The following HMGCLL1 variants were observed in gnomAD, a reference collection of about 807,000 sequenced individuals.
HMGCLL1 encodes 3-hydroxymethyl-3-methylglutaryl-CoA lyase, cytoplasmic.
Under a neutral mutation model 39.1 loss-of-function variants are expected in HMGCLL1, and 36 were observed. That is an observed-to-expected ratio of 0.92 (90% CI 0.71 to 1.22). The LOEUF is 1.22. HMGCLL1 is among the 50% of genes most tolerant of loss of function. The pLI is 0.00. For missense variants in HMGCLL1, 451 were observed against 416.5 expected (o/e 1.08, Z -0.72); for synonymous variants, 149 against 144.0 (o/e 1.03, Z -0.25).
the HMGCLL1 span, among the ~76,000 whole-genome samples, chr6:55,633,894 A>G: frequency 3.3e-5 from 5 of 152,148 alleles, no homozygotes; most frequent in Non-Finnish European, 5.9e-5. Context: ...TTTTTAAGTC[A>G]AATTCCTCAA....
chr6:55,584,334 G>A, the HMGCLL1 span, among the ~76,000 whole-genome samples: 2 of 152,090 alleles, frequency 1.3e-5, no homozygotes, highest in African/African-American at 4.8e-5. Flanking sequence ...AAGAACACTG[G>A]ATTTAACTCA....
intron 1 of HMGCLL1, among the ~76,000 whole-genome samples, chr6:55,575,332 T>G (rs1030376385): frequency 3.3e-5 from 5 of 152,086 alleles, no homozygotes; most frequent in African/African-American, 1.2e-4. Context: ...TCATTCATAT[T>G]TATTCTTTTT....
rs187351646 is a variant in HMGCLL1, at chr6:55,538,427, A to C, written c.297+3302T>G. On this transcript the variant is annotated intron_variant, in intron 3 of 8. Transcript: ENST00000274901. ...AAAGACTGTATTAAAGACAGAAGTA[A>C]ATTTATGAAGATATAAAGACAATAA... is the stretch of plus-strand genomic sequence containing the variant. Among the ~76,000 whole-genome samples the C allele has an allele frequency of 2.0e-5, 3 of 152,300 alleles. No individual in the cohort carries two copies. The East Asian group carries it at 5.8e-4, about 29-fold the overall frequency.
At position 55,495,524 on chromosome 6, in the gene HMGCLL1, T is replaced by A; in HGVS notation, c.690A>T (p.Lys230Asn). The change falls in exon 7 of 9, where the codon AAA becomes AAT. Residue 230 changes from lysine (K) to asparagine (N), a missense_variant. Lys to Asn is a moderately conservative substitution (Grantham distance 94, BLOSUM62 0). Transcript: ENST00000274901. Reference protein sequence around the residue: ...TIGVGTPGSMKRMLESVMKEI... With the variant: ...TIGVGTPGSMNRMLESVMKEI... ...CTTTCATCACACTTTCCAACATTCTTTTCATACTTCCTGGAGTTCCCACTC... is the reference window on the plus strand; with the variant it reads ...CTTTCATCACACTTTCCAACATTCTATTCATACTTCCTGGAGTTCCCACTC... 1 of 1,613,948 alleles carries A rather than the reference T, an allele frequency of 6.2e-7. No individual in the cohort carries two copies. The highest frequency in any genetic ancestry group is 8.5e-7 in the Non-Finnish European group (1 of 1,179,882).
chr6:55,602,998 T>C, the HMGCLL1 span, among the ~76,000 whole-genome samples: 3 of 152,076 alleles, frequency 2.0e-5, no homozygotes, highest in Admixed American at 6.6e-5. Flanking sequence ...CGAGTTCCCA[T>C]GTAATGATGC....
chr6:55,476,257 G>A lies in HMGCLL1; in HGVS notation c.795+19162C>T, dbSNP rs190213280. Among the ~76,000 whole-genome samples, 6 of 151,484 alleles carry A rather than the reference G, an allele frequency of 4.0e-5. No homozygotes were observed. In the East Asian group the frequency reaches 1.2e-3, roughly 30 times the overall value. ...ATAAAACTTCTCTTCATAGTGTTATGTTACTTTCTATATAGTAATATAACA... is the reference window on the plus strand; with the variant it reads ...ATAAAACTTCTCTTCATAGTGTTATATTACTTTCTATATAGTAATATAACA... On this transcript the variant is annotated intron_variant, in intron 7 of 8. Coordinates refer to ENST00000274901, the MANE Select transcript of HMGCLL1 (RefSeq NM_001042406.2).
In HMGCLL1 at chr6:55,435,685, C is replaced by T. The variant is rs1476641796; in HGVS notation, c.1000G>A (p.Ala334Thr). 2 of 1,600,162 alleles carry T rather than the reference C, an allele frequency of 1.2e-6. No individual in the cohort carries two copies. Among genetic ancestry groups the T allele is most frequent in the South Asian group, 2.2e-5 (2 of 89,984 alleles). Residue 334 changes from alanine (A) to threonine (T), a missense_variant, in exon 9 of 9, where the codon GCA becomes ACA. Ala to Thr is a moderately conservative substitution (Grantham distance 58, BLOSUM62 0). Coordinates refer to ENST00000274901, the MANE Select transcript of HMGCLL1 (RefSeq NM_001042406.2). ...AGTCAAGCATTGAAGGAGGCTTGTGCTACTTTAGAGTTTGTGGTTTTATTC... is the reference window on the plus strand; with the variant it reads ...AGTCAAGCATTGAAGGAGGCTTGTGTTACTTTAGAGTTTGTGGTTTTATTC... ...AVNKTTNSKV[A>T]QASFNA
At chr6:55,627,909 C>T in the HMGCLL1 span, among the ~76,000 whole-genome samples, 5 of 2,176 alleles carry the variant, frequency 2.3e-3, 1 homozygote, top group African/African-American at 0.011. Flanking sequence ...AGTATATATA[C>T]TATATATATA....
At chr6:55,611,678 A>C in the HMGCLL1 span, among the ~76,000 whole-genome samples, 23 of 151,994 alleles carry the variant, frequency 1.5e-4, no homozygotes, top group Non-Finnish European at 3.2e-4. Context: ...CAATAAACAT[A>C]ATCTGTCACT....
intron 7 of HMGCLL1, among the ~76,000 whole-genome samples, chr6:55,442,710 C>T (rs1319399368): frequency 6.6e-6 from 1 of 152,136 alleles, no homozygotes; most frequent in Non-Finnish European, 1.5e-5. Context: ...ATTACCACAA[C>T]ATTTCTCACA....
At chr6:55,539,933 G>A (rs1769270798) in intron 3 of HMGCLL1, among the ~76,000 whole-genome samples, 1 of 128,610 alleles carries the variant, frequency 7.8e-6, no homozygotes, top group Non-Finnish European at 1.7e-5. Flanking sequence ...GGAGGATGAG[G>A]AGGAGGAGAA....
chr6:55,519,902 T>C (rs1043296803), intron 3 of HMGCLL1, among the ~76,000 whole-genome samples: 10 of 152,084 alleles, frequency 6.6e-5, no homozygotes, highest in Non-Finnish European at 1.3e-4. Context: ...TAATTCATTC[T>C]GCACATAATT....
At chr6:55,623,433 C>T in the HMGCLL1 span, among the ~76,000 whole-genome samples, 3 of 151,766 alleles carry the variant, frequency 2.0e-5, no homozygotes, top group East Asian at 5.8e-4. Flanking sequence ...AATAGATTTT[C>T]GTGTGGTGTA....
chr6:55,458,579 G>C (rs1053508845), intron 7 of HMGCLL1, among the ~76,000 whole-genome samples: 1 of 152,132 alleles, frequency 6.6e-6, no homozygotes, highest in Admixed American at 6.5e-5. Context: ...AGGAGTATTT[G>C]GTGTGTTTAG....
At chr6:55,644,712 T>G in the HMGCLL1 span, among the ~76,000 whole-genome samples, 1 of 151,848 alleles carries the variant, frequency 6.6e-6, no homozygotes, top group Non-Finnish European at 1.5e-5. Flanking sequence ...CACTGTAGCT[T>G]TGTGGATTGG....
the HMGCLL1 span, among the ~76,000 whole-genome samples, chr6:55,655,744 G>C: frequency 6.6e-4 from 101 of 151,910 alleles, no homozygotes; most frequent in Admixed American, 1.2e-3. Flanking sequence ...TCTTGGCAAA[G>C]TTTTCTACAG....
At chr6:55,550,173 C>A (rs1770249063) in intron 1 of HMGCLL1, among the ~76,000 whole-genome samples, 1 of 151,850 alleles carries the variant, frequency 6.6e-6, no homozygotes, top group Non-Finnish European at 1.5e-5. Context: ...GTTACCATAT[C>A]CTAGTGAAGT....
chr6:55,622,598 A>G, the HMGCLL1 span, among the ~76,000 whole-genome samples: 1 of 152,092 alleles, frequency 6.6e-6, no homozygotes, highest in Admixed American at 6.6e-5. Flanking sequence ...TTTGCATCCC[A>G]GGAATGAATC....
At chr6:55,445,100 T>C (rs1443748530) in intron 7 of HMGCLL1, among the ~76,000 whole-genome samples, 1 of 152,080 alleles carries the variant, frequency 6.6e-6, no homozygotes, top group Non-Finnish European at 1.5e-5. Context: ...TAAAGGAGAA[T>C]ATTAAGGCAT....
Sources: allele counts gnomAD v4.1 joint callset (sites outside exome capture counted in the v4.1 genomes callset), GRCh38; gene constraint gnomAD v4.1.1; transcripts MANE v1.5; gene names NCBI Gene and HGNC (gene_info 2026-07-23, HGNC 2026-07-21).